Variants in TTC12 observed in about 807,000 individuals in gnomAD.
TTC12 encodes tetratricopeptide repeat domain 12.
In TTC12, 70 loss-of-function variants were observed where a neutral mutation model predicts 90.1. The ratio of observed to expected loss-of-function variants is 0.78; its 90% confidence interval spans 0.64 to 0.95. The LOEUF (loss-of-function observed/expected upper bound fraction) is 0.95, where lower values mean the gene tolerates loss of function less well. TTC12 is among the 40% of genes least tolerant of loss of function. The pLI, the probability that TTC12 is intolerant of heterozygous loss-of-function variation, is 0.00. For missense variants in TTC12, 819 were observed against 846.1 expected (o/e 0.97, Z 0.40); for synonymous variants, 296 against 311.5 (o/e 0.95, Z 0.53).
intron 10 of TTC12, 169 bp downstream of exon 10, chr11:113,339,643 T>C (rs1292108725): frequency 3.4e-6 from 2 of 592,086 alleles, no homozygotes; most frequent in African/African-American, 1.8e-5. Context: ...TCCTCCGACT[T>C]CTGCTCCATC....
chr11:113,328,982 T>C (rs1315276316), intron 6 of TTC12, among the ~76,000 whole-genome samples: 1 of 152,234 alleles, frequency 6.6e-6, no homozygotes, highest in Admixed American at 6.5e-5. Context: ...TTTTTATTGC[T>C]GAATAATTTT....
chr11:113,355,873 T>C (rs1293537730), intron 16 of TTC12, among the ~76,000 whole-genome samples: 1 of 152,242 alleles, frequency 6.6e-6, no homozygotes, highest in African/African-American at 2.4e-5. Flanking sequence ...ATATGATTGA[T>C]TTTAGAGTAT....
In TTC12 at chr11:113,366,247, C is replaced by G. The variant is rs769450707; in HGVS notation, c.2065C>G (p.Leu689Val). ...CAGATTTGCTGCTCAACTGAGAAAG[C>G]TTCATGGCCTAGAAATTCTCAACTC... ...EPRFAAQLRK[L>V]HGLEILNSTM... The change falls in exon 22 of 22, where the codon CTT becomes GTT. Residue 689 changes from leucine to valine, a missense_variant. Leu to Val is a conservative substitution (Grantham distance 32). Transcript: ENST00000529221. The G allele has an allele frequency of 2.5e-6, 4 of 1,613,482 alleles. No homozygotes were observed. The highest frequency in any genetic ancestry group is 3.4e-6 in the Non-Finnish European group (4 of 1,180,032).
chr11:113,341,723 T>C, intron 11 of TTC12, 114 bp from the exon 12 acceptor site: 2 of 837,434 alleles, frequency 2.4e-6, no homozygotes, highest in Middle Eastern at 2.3e-4. Flanking sequence ...ATTATAAAAC[T>C]ATACTTTCTC....
In TTC12 at chr11:113,359,952, G is replaced by A; in HGVS notation, c.1558G>A (p.Glu520Lys). 2 of 1,597,440 alleles carry A rather than the reference G, an allele frequency of 1.3e-6. No homozygotes were observed. The highest frequency in any genetic ancestry group is 1.7e-6 in the Non-Finnish European group (2 of 1,172,320). The change falls in exon 18 of 22, where the codon GAG (glutamate) becomes AAG (lysine). Residue 520 changes from glutamate (E) to lysine (K), a missense_variant. Physicochemically the swap from Glu to Lys is moderately conservative, Grantham distance 56. Coordinates refer to ENST00000529221, the MANE Select transcript of TTC12 (RefSeq NM_017868.4). ...APFVSEVWAV[E>K]VSRRCLSLLN... ...CCCATTGTTGTAGGTTTGGGCTGTG[G>A]AGGTGAGCAGAAGGTGCCTGTCTTT... is the stretch of plus-strand genomic sequence containing the variant.
chr11:113,328,265 C>T (rs1947815095), intron 6 of TTC12, among the ~76,000 whole-genome samples: 1 of 152,174 alleles, frequency 6.6e-6, no homozygotes, highest in African/African-American at 2.4e-5. Flanking sequence ...TTACTTAGTG[C>T]AATTTGATAA....
At chr11:113,366,400 G>A (rs1950217416), downstream of TTC12, 7 of 1,568,562 alleles carry the variant, frequency 4.5e-6, no homozygotes, top group Non-Finnish European at 6.0e-6. Context: ...TCAGAATCAA[G>A]TACTCATTTT....
intron 16 of TTC12, among the ~76,000 whole-genome samples, chr11:113,358,266 AG>A (rs1949728208): frequency 6.6e-6 from 1 of 152,174 alleles, no homozygotes; most frequent in Non-Finnish European, 1.5e-5. Flanking sequence ...GGGCAAGGAA[AG>A]CAAAACCTGC....
intron 7 of TTC12, among the ~76,000 whole-genome samples, chr11:113,332,423 G>A (rs780294894): frequency 3.5e-4 from 53 of 152,344 alleles, no homozygotes; most frequent in Non-Finnish European, 6.0e-4. Context: ...TTGGGGCTCG[G>A]TTTCCCCCGC....
At chr11:113,333,894 G>A (rs556690015) in intron 7 of TTC12, among the ~76,000 whole-genome samples, 2 of 151,918 alleles carry the variant, frequency 1.3e-5, no homozygotes, top group East Asian at 3.9e-4. Flanking sequence ...CTTTTGCTCC[G>A]AAATGAATTG....
intron 4 of TTC12, 156 bp downstream of exon 4, chr11:113,324,171 C>T (rs1947536917): frequency 1.7e-6 from 1 of 603,182 alleles, no homozygotes; most frequent in Admixed American, 3.3e-5. Context: ...TAGTGATCAG[C>T]GGGAATGTCC....
intron 7 of TTC12, among the ~76,000 whole-genome samples, chr11:113,331,414 T>C (rs955531796): frequency 7.2e-5 from 11 of 152,240 alleles, no homozygotes; most frequent in Non-Finnish European, 1.2e-4. Flanking sequence ...TATTCTGTTC[T>C]GTTCAGTGTC....
intron 6 of TTC12, among the ~76,000 whole-genome samples, chr11:113,327,983 T>C (rs1227956391): frequency 6.6e-6 from 1 of 152,210 alleles, no homozygotes; most frequent in Non-Finnish European, 1.5e-5. Context: ...CTCACTTGGG[T>C]TGGATACTTG....
intron 7 of TTC12, among the ~76,000 whole-genome samples, chr11:113,330,950 C>T (rs1948025789): frequency 2.0e-5 from 3 of 152,254 alleles, no homozygotes; most frequent in South Asian, 2.1e-4. Flanking sequence ...AGCACACCTA[C>T]CCTAGCCTAA....
intron 9 of TTC12, among the ~76,000 whole-genome samples, 164 bp downstream of exon 9, chr11:113,338,998 T>G (rs78278794): frequency 6.6e-6 from 1 of 152,184 alleles, no homozygotes; most frequent in Admixed American, 6.5e-5. Context: ...TCTGCTCCTC[T>G]GTTTGCTGTG....
intron 16 of TTC12, among the ~76,000 whole-genome samples, chr11:113,356,009 T>A (rs1949613937): frequency 6.6e-6 from 1 of 152,228 alleles, no homozygotes; most frequent in Non-Finnish European, 1.5e-5. Flanking sequence ...TGATTTTCTA[T>A]CTCAGTGATC....
chr11:113,357,825 G>A (rs988541550), intron 16 of TTC12, among the ~76,000 whole-genome samples: 2 of 152,168 alleles, frequency 1.3e-5, no homozygotes, highest in Non-Finnish European at 2.9e-5. Flanking sequence ...AGGTGATCCC[G>A]AACCTCTGGT....
At chr11:113,326,194 G>C (rs1947686174) in intron 6 of TTC12, among the ~76,000 whole-genome samples, 1 of 152,180 alleles carries the variant, frequency 6.6e-6, no homozygotes, top group Admixed American at 6.5e-5. Flanking sequence ...TTATGCATTA[G>C]TATATGTCAC....
At position 113,316,226 on chromosome 11, in the gene TTC12, T is replaced by G; in HGVS notation, c.-15-17T>G. On this transcript the variant is annotated splice_polypyrimidine_tract_variant and intron_variant, in intron 1 of 21. Transcript: ENST00000529221. ...GCTTTATTATTATTAATTTCACCAT[T>G]ATGCTGCATCCCTTAGGGATTCCGG... The G allele has an allele frequency of 7.6e-7, 1 of 1,320,808 alleles. No homozygotes were observed. The highest frequency in any genetic ancestry group is 1.0e-6 in the Non-Finnish European group (1 of 997,938). 81.8% of individuals were successfully genotyped at this position (1,320,808 alleles called of 1,614,324 possible).
Sources: allele counts gnomAD v4.1 joint callset (sites outside exome capture counted in the v4.1 genomes callset), GRCh38; gene constraint gnomAD v4.1.1; transcripts MANE v1.5; gene names NCBI Gene and HGNC (gene_info 2026-07-23, HGNC 2026-07-21).